Variants in PABPC4L observed in about 807,000 individuals in gnomAD.
PABPC4L encodes the protein poly(A) binding protein cytoplasmic 4 like.
For synonymous variants in PABPC4L, 169 were observed against 164.1 expected, an observed-to-expected ratio of 1.03 and a Z score of -0.23; for missense variants, 452 against 451.4, an observed-to-expected ratio of 1.00 and a Z score of -0.01.
At chr4:134,015,485 C>G in the PABPC4L span, among the ~76,000 whole-genome samples, 1 of 152,120 alleles carries the variant, frequency 6.6e-6, no homozygotes, top group Non-Finnish European at 1.5e-5. Context: ...TTGGACTGAC[C>G]CTGACACTCA....
the PABPC4L span, among the ~76,000 whole-genome samples, chr4:134,044,466 G>A: frequency 3.0e-4 from 45 of 151,824 alleles, no homozygotes; most frequent in African/African-American, 9.4e-4. Flanking sequence ...GTGTTTCACC[G>A]TGTTAGCCAG....
the PABPC4L span, among the ~76,000 whole-genome samples, chr4:133,993,996 G>T: frequency 0.018 from 2,704 of 152,146 alleles, 82 homozygotes; most frequent in African/African-American, 0.062. Context: ...GAGTGGAAAA[G>T]GTCTCCAAGG....
Position 134,200,193 on chromosome 4 carries a change from T to C in PABPC4L, c.827A>G (p.Lys276Arg), listed in dbSNP as rs1195471142. ...CCTTTTCAGCTGCTCAAACATTTGC[T>C]TTAACTCAGCCTGTCGCTCGACTTT... ...QKKVERQAEL[K>R]QMFEQLKRER... Residue 276 changes from lysine to arginine, a missense_variant, in exon 2 of 2, where the codon AAG (lysine) becomes AGG (arginine). Coordinates refer to ENST00000421491, the MANE Select transcript of PABPC4L (RefSeq NM_001114734.2). 6.4e-7 allele frequency: 1 copy of C among 1,551,646 alleles called. No individual in the cohort carries two copies. The highest frequency in any genetic ancestry group is 2.4e-5 in the East Asian group (1 of 40,904).
chr4:134,146,046 G>T, the PABPC4L span, among the ~76,000 whole-genome samples: 1 of 151,906 alleles, frequency 6.6e-6, no homozygotes, highest in East Asian at 1.9e-4. Flanking sequence ...TATAGTTGTG[G>T]ATTTGTTTTG....
chr4:134,077,013 A>G, the PABPC4L span, among the ~76,000 whole-genome samples: 1 of 152,154 alleles, frequency 6.6e-6, no homozygotes, highest in Non-Finnish European at 1.5e-5. Context: ...AGTTCATATT[A>G]TAGCTTACTG....
chr4:134,136,403 T>A, the PABPC4L span, among the ~76,000 whole-genome samples: 1 of 152,258 alleles, frequency 6.6e-6, no homozygotes, highest in East Asian at 1.9e-4. Flanking sequence ...TGCTTTGTTT[T>A]GTTTTGTTTT....
the PABPC4L span, among the ~76,000 whole-genome samples, chr4:134,037,089 C>T: frequency 6.6e-6 from 1 of 151,692 alleles, no homozygotes; most frequent in Non-Finnish European, 1.5e-5. Flanking sequence ...TATGATACCT[C>T]CAGATTTATT....
chr4:134,090,721 C>A, the PABPC4L span, among the ~76,000 whole-genome samples: 1 of 151,786 alleles, frequency 6.6e-6, no homozygotes, highest in Non-Finnish European at 1.5e-5. Context: ...TATGATTATA[C>A]CATTGCACTC....
the PABPC4L span, among the ~76,000 whole-genome samples, chr4:134,091,857 G>T: frequency 6.6e-6 from 1 of 151,862 alleles, no homozygotes; most frequent in Non-Finnish European, 1.5e-5. Context: ...ATAAATGCTG[G>T]TTGGTTTTCA....
the PABPC4L span, among the ~76,000 whole-genome samples, chr4:134,057,964 AAAC>A: frequency 6.6e-6 from 1 of 152,068 alleles, no homozygotes; most frequent in African/African-American, 2.4e-5. Context: ...GAGAAAGAAA[AAAC>A]AGTATTTCAT....
At chr4:134,002,437 C>T in the PABPC4L span, among the ~76,000 whole-genome samples, 3 of 151,788 alleles carry the variant, frequency 2.0e-5, no homozygotes, top group African/African-American at 7.2e-5. Flanking sequence ...AAAATGAATG[C>T]TAATACAAGA....
chr4:134,150,712 C>A, the PABPC4L span, among the ~76,000 whole-genome samples: 1 of 152,106 alleles, frequency 6.6e-6, no homozygotes, highest in Admixed American at 6.6e-5. Flanking sequence ...TGAAACCTCC[C>A]CCACCCTTGG....
At chr4:134,154,673 T>C in the PABPC4L span, among the ~76,000 whole-genome samples, 1 of 152,054 alleles carries the variant, frequency 6.6e-6, no homozygotes, top group Non-Finnish European at 1.5e-5. Context: ...CATATTAATA[T>C]TTTGCATTAT....
the PABPC4L span, among the ~76,000 whole-genome samples, chr4:133,959,108 C>G: frequency 2.0e-5 from 3 of 152,182 alleles, no homozygotes; most frequent in South Asian, 2.1e-4. Context: ...TATGCCAGGA[C>G]AGTTAAAGAG....
At position 134,201,126 on chromosome 4, in the gene PABPC4L, G is replaced by A; in HGVS notation, c.-107C>T. 1 of 1,550,330 alleles carries A rather than the reference G, an allele frequency of 6.5e-7. No individual in the cohort carries two copies. The highest frequency in any genetic ancestry group is 8.7e-7 in the Non-Finnish European group (1 of 1,146,804). ...GCCCGGTTCAAGTGTGGAGGCCTCG[G>A]GATCACCACACAAAGGCCAAGCAAT... On this transcript the variant is annotated 5_prime_UTR_variant, in exon 2 of 2. Coordinates refer to ENST00000421491, the MANE Select transcript of PABPC4L (RefSeq NM_001114734.2).
At chr4:134,041,478 C>T in the PABPC4L span, among the ~76,000 whole-genome samples, 1 of 151,920 alleles carries the variant, frequency 6.6e-6, no homozygotes, top group Non-Finnish European at 1.5e-5. Context: ...AACACAAGAA[C>T]AGAAAACCAA....
the PABPC4L span, among the ~76,000 whole-genome samples, chr4:134,173,237 C>A: frequency 6.7e-6 from 1 of 150,234 alleles, no homozygotes; most frequent in Non-Finnish European, 1.5e-5. Context: ...GGCATATATC[C>A]AAAAGAAAGG....
the PABPC4L span, among the ~76,000 whole-genome samples, chr4:134,064,650 G>A: frequency 5.3e-5 from 8 of 152,002 alleles, no homozygotes; most frequent in Non-Finnish European, 1.2e-4. Context: ...TTGTTATATA[G>A]GTAAAGTGCA....
the PABPC4L span, among the ~76,000 whole-genome samples, chr4:133,951,626 C>T: frequency 1.3e-5 from 2 of 152,090 alleles, no homozygotes; most frequent in Admixed American, 6.5e-5. Flanking sequence ...ACCCCAAGGG[C>T]CACACCCTGG....
Sources: gnomAD v4.1 joint callset for allele counts (sites outside exome capture counted in the v4.1 genomes callset) on GRCh38, gnomAD v4.1.1 for gene constraint, MANE v1.5 for transcripts, NCBI Gene and HGNC (gene_info 2026-07-23, HGNC 2026-07-21) for gene names.